Variants in TENM3 observed in about 807,000 individuals in gnomAD.
TENM3 encodes teneurin-3.
TENM3 carries 63 observed loss-of-function variants against 255.1 expected under a neutral mutation model. That is an observed-to-expected ratio of 0.25 (90% CI 0.20 to 0.30). The LOEUF is 0.30. Ranked by LOEUF, TENM3 falls within the 10% of genes least tolerant of loss-of-function variation. The probability of loss-of-function intolerance (pLI) is 1.00; values close to 1 mark genes in which losing one functional copy is unlikely to be tolerated. For missense variants in TENM3, 2,929 were observed against 3,461.1 expected, an observed-to-expected ratio of 0.85 and a Z score of 3.86; for synonymous variants, 1,306 against 1,322.3, an observed-to-expected ratio of 0.99 and a Z score of 0.27.
chr4:182,065,387 G>A, the TENM3 span, among the ~76,000 whole-genome samples: 1 of 152,182 alleles, frequency 6.6e-6, no homozygotes, highest in African/African-American at 2.4e-5. Flanking sequence ...CGTTGCACGT[G>A]TTGTGCAGGA....
At chr4:182,015,163 A>G in the TENM3 span, among the ~76,000 whole-genome samples, 2 of 152,296 alleles carry the variant, frequency 1.3e-5, no homozygotes, top group Non-Finnish European at 2.9e-5. Flanking sequence ...CCATCGTCAC[A>G]GCCTGAGCGG....
intron 3 of TENM3, among the ~76,000 whole-genome samples, chr4:182,486,335 T>G (rs1458706309): frequency 3.2e-4 from 40 of 126,296 alleles, no homozygotes; most frequent in Middle Eastern, 4.1e-3. Flanking sequence ...GGTGGGTGGG[T>G]GGTCATCCCT....
chr4:182,391,855 C>T (rs1768449250), intron 3 of TENM3, among the ~76,000 whole-genome samples: 1 of 151,828 alleles, frequency 6.6e-6, no homozygotes, highest in African/African-American at 2.4e-5. Context: ...TGACTTCTTC[C>T]TCTACAAAAT....
At chr4:182,769,898 A>C (rs1015362897) in intron 22 of TENM3, among the ~76,000 whole-genome samples, 2 of 152,132 alleles carry the variant, frequency 1.3e-5, no homozygotes, top group African/African-American at 2.4e-5. Context: ...TGAGGACAGG[A>C]GTTTGAGACC....
At chr4:181,881,961 C>G in the TENM3 span, among the ~76,000 whole-genome samples, 31 of 152,162 alleles carry the variant, frequency 2.0e-4, no homozygotes, top group Non-Finnish European at 8.8e-5. Context: ...CATGCAACTT[C>G]CGTGATTTTG....
chr4:182,660,792 TG>T (rs1236081689), intron 6 of TENM3, among the ~76,000 whole-genome samples: 1 of 152,256 alleles, frequency 6.6e-6, no homozygotes, highest in Non-Finnish European at 1.5e-5. Context: ...AGCAAGATTC[TG>T]GGAATATAGC....
At chr4:182,209,105 T>C (rs375217003) in intron 1 of TENM3, among the ~76,000 whole-genome samples, 8 of 152,108 alleles carry the variant, frequency 5.3e-5, no homozygotes, top group African/African-American at 1.9e-4. Flanking sequence ...GTAGCTGGGA[T>C]TACAGGTGCG....
the TENM3 span, among the ~76,000 whole-genome samples, chr4:181,476,225 G>A: frequency 1.9e-5 from 2 of 102,762 alleles, no homozygotes; most frequent in African/African-American, 3.9e-5. Flanking sequence ...TTTTTTTTTT[G>A]ACATTGATAA....
chr4:182,185,874 A>T (rs1291912622), intron 1 of TENM3, among the ~76,000 whole-genome samples: 2 of 152,240 alleles, frequency 1.3e-5, no homozygotes, highest in Non-Finnish European at 2.9e-5. Flanking sequence ...CATAGAAAAC[A>T]TGGAATGTCC....
chr4:182,482,484 A>G (rs1580703414), intron 3 of TENM3, among the ~76,000 whole-genome samples: 1 of 152,218 alleles, frequency 6.6e-6, no homozygotes, highest in South Asian at 2.1e-4. Context: ...TAATCCTGCA[A>G]CTATTATTGT....
At chr4:182,180,637 CTTT>C (rs1174130013) in intron 1 of TENM3, among the ~76,000 whole-genome samples, 2 of 142,272 alleles carry the variant, frequency 1.4e-5, no homozygotes, top group Non-Finnish European at 3.1e-5. Flanking sequence ...TATTGTTTCT[CTTT>C]TTTTTTTTTT....
In TENM3 at chr4:182,737,007, C is replaced by T; in HGVS notation, c.3167C>T (p.Ala1056Val). The T allele has an allele frequency of 6.2e-7, 1 of 1,613,750 alleles. No individual in the cohort carries two copies. The highest frequency in any genetic ancestry group is 8.5e-7 in the Non-Finnish European group (1 of 1,179,744). ...TGGTTTCCTGCCTCACCAAACTTGGCCTATACTTTCATATGGGATAAAACA... is the reference window on the plus strand; with the variant it reads ...TGGTTTCCTGCCTCACCAAACTTGGTCTATACTTTCATATGGGATAAAACA... ...QKWFPASPNL[A>V]YTFIWDKTDA... The change falls in exon 17 of 28, where the codon GCC becomes GTC. Residue 1056 changes from alanine (A) to valine (V), a missense_variant. This residue lies in a region of TENM3 where 1,608 missense variants were observed against 1,884.4 expected (regional missense o/e 0.85). Coordinates refer to ENST00000511685, the MANE Select transcript of TENM3 (RefSeq NM_001080477.4).
chr4:182,186,810 T>TATAA, intron 1 of TENM3, among the ~76,000 whole-genome samples: 1 of 85,716 alleles, frequency 1.2e-5, no homozygotes, highest in Non-Finnish European at 2.2e-5. Flanking sequence ...TATATATATA[T>TATAA]ATATGGTCCT....
At chr4:182,602,712 G>A (rs1748019187) in intron 4 of TENM3, among the ~76,000 whole-genome samples, 1 of 152,270 alleles carries the variant, frequency 6.6e-6, no homozygotes, top group Admixed American at 6.5e-5. Context: ...ACACAGTCAT[G>A]TATACGGATT....
intron 3 of TENM3, among the ~76,000 whole-genome samples, chr4:182,423,179 T>G (rs1770967475): frequency 1.3e-5 from 2 of 152,208 alleles, no homozygotes; most frequent in Admixed American, 1.3e-4. Flanking sequence ...TGTACGTGTG[T>G]GTATGAATTT....
chr4:181,463,169 T>C, the TENM3 span, among the ~76,000 whole-genome samples: 3 of 152,194 alleles, frequency 2.0e-5, no homozygotes, highest in African/African-American at 4.8e-5. Context: ...ATGGCCCTTT[T>C]TTATGCAATT....
At chr4:182,267,904 A>C (rs1278934481) in intron 1 of TENM3, among the ~76,000 whole-genome samples, 1 of 152,144 alleles carries the variant, frequency 6.6e-6, no homozygotes, top group East Asian at 1.9e-4. Context: ...TAGTCTCATC[A>C]GTTGTTTTTA....
intron 22 of TENM3, among the ~76,000 whole-genome samples, chr4:182,756,119 A>G (rs568630732): frequency 6.6e-6 from 1 of 152,328 alleles, no homozygotes; most frequent in South Asian, 2.1e-4. Context: ...CTGTCTCAGG[A>G]ACTTGCATTG....
At chr4:182,394,010 G>A (rs952398184) in intron 3 of TENM3, among the ~76,000 whole-genome samples, 1 of 152,134 alleles carries the variant, frequency 6.6e-6, no homozygotes, top group African/African-American at 2.4e-5. Flanking sequence ...TACAATCCTA[G>A]GGAAGAAGAG....
Sources: gnomAD v4.1 joint callset for allele counts (sites outside exome capture counted in the v4.1 genomes callset) on GRCh38, gnomAD v4.1.1 for gene constraint, gnomAD v4.1.1 regional missense constraint, MANE v1.5 for transcripts, NCBI Gene and HGNC (gene_info 2026-07-23, HGNC 2026-07-21) for gene names.